The following MYO9A variants were observed in gnomAD, a reference collection of about 807,000 sequenced individuals.
MYO9A encodes unconventional myosin-IXa.
Under a neutral mutation model 293.3 loss-of-function variants are expected in MYO9A, and 103 were observed. That is an observed-to-expected ratio of 0.35 (90% CI 0.30 to 0.41). The LOEUF is 0.41. Among genes scored for constraint, MYO9A ranks in the 10% least tolerant of loss-of-function variants. The pLI is 1.00. For missense variants in MYO9A, 2,685 were observed against 3,033.0 expected, an observed-to-expected ratio of 0.89 and a Z score of 2.69; for synonymous variants, 1,001 against 1,035.7, an observed-to-expected ratio of 0.97 and a Z score of 0.64.
chr15:72,093,210 T>C (rs1321255684), intron 1 of MYO9A, among the ~76,000 whole-genome samples: 1 of 152,084 alleles, frequency 6.6e-6, no homozygotes, highest in Non-Finnish European at 1.5e-5. Context: ...GTCGTATATA[T>C]GAGAGGGGAA....
intron 1 of MYO9A, among the ~76,000 whole-genome samples, chr15:72,065,240 G>T (rs2078984502): frequency 6.6e-6 from 1 of 152,108 alleles, no homozygotes; most frequent in Non-Finnish European, 1.5e-5. Context: ...CATGAGCCAG[G>T]CACGGTGGCT....
Position 71,876,425 on chromosome 15 carries a change from A to ATTTT in MYO9A, c.5932-591_5932-588dup, listed in dbSNP as rs397854202. On this transcript the variant is annotated intron_variant, in intron 31 of 41. Coordinates refer to ENST00000356056, the MANE Select transcript of MYO9A (RefSeq NM_006901.4). ...GCTTGAGCCACCACGCCTGGCTGGT[A>ATTTT]TTTTTTTTTTTTTTTTTTTTTTTTT... Among the ~76,000 whole-genome samples, 5 of 61,070 alleles carry ATTTT rather than the reference A, an allele frequency of 8.2e-5. 1 individual carries two copies. The highest frequency in any genetic ancestry group is 3.4e-4 in the African/African-American group (4 of 11,664). The allele number at this position is 61,070 out of a possible 152,430, so 40.1% of individuals were successfully genotyped here.
At chr15:71,904,284 G>A (rs2057566606) in intron 20 of MYO9A, among the ~76,000 whole-genome samples, 3 of 152,204 alleles carry the variant, frequency 2.0e-5, no homozygotes, top group Non-Finnish European at 4.4e-5. Flanking sequence ...TGTGAAGAGA[G>A]AGGACCTTAA....
At position 71,826,981 on chromosome 15, in the gene MYO9A, GC is replaced by G; in HGVS notation, c.7245del (p.Leu2415PhefsTer12). ...TCTTGCTGCTTTTTAAGTTGCTTTC[GC>G]AACTTGCTGGAAGGTTCAGACTTGC... The part of the protein sequence containing the change: ...TAGKSEPSSK[L>X]RKQLKKQQDS... On this transcript the variant is annotated frameshift_variant, in exon 42 of 42. Transcript: ENST00000356056. LOFTEE classifies it high-confidence loss of function. The G allele has an allele frequency of 2.5e-6, 4 of 1,613,182 alleles. No individual in the cohort carries two copies. Among genetic ancestry groups the G allele is most frequent in the Non-Finnish European group, 1.7e-6 (2 of 1,179,674 alleles).
intron 32 of MYO9A, among the ~76,000 whole-genome samples, chr15:71,868,011 C>T (rs8031827): frequency 0.017 from 2,638 of 152,270 alleles, 83 homozygotes; most frequent in African/African-American, 0.06. Flanking sequence ...TGGCTTAAAA[C>T]AACACCTATC....
intron 15 of MYO9A, among the ~76,000 whole-genome samples, chr15:71,945,164 G>C (rs1323359273): frequency 6.6e-6 from 1 of 152,126 alleles, no homozygotes; most frequent in Non-Finnish European, 1.5e-5. Context: ...GGGTGGTTCT[G>C]ACTCAACATG....
At chr15:72,067,951 T>C (rs1555418003) in intron 1 of MYO9A, among the ~76,000 whole-genome samples, 1 of 152,158 alleles carries the variant, frequency 6.6e-6, no homozygotes, top group African/African-American at 2.4e-5. Context: ...AGTTTACTCA[T>C]AAGAACAACA....
intron 2 of MYO9A, among the ~76,000 whole-genome samples, chr15:72,034,571 G>C (rs79734150): frequency 0.016 from 2,421 of 152,226 alleles, 76 homozygotes; most frequent in African/African-American, 0.056. Context: ...GCTGAGTCCT[G>C]AATGCCTAGA....
At chr15:71,911,917 T>G (rs559805710) in intron 19 of MYO9A, among the ~76,000 whole-genome samples, 2 of 152,354 alleles carry the variant, frequency 1.3e-5, no homozygotes, top group African/African-American at 2.4e-5. Context: ...AAATATACAT[T>G]ATAGTCTACC....
intron 15 of MYO9A, among the ~76,000 whole-genome samples, chr15:71,945,985 CATATG>C (rs2058908461): frequency 6.6e-6 from 1 of 152,174 alleles, no homozygotes; most frequent in East Asian, 1.9e-4. Context: ...CTGAGACAAT[CATATG>C]TGGCTTTCTT....
chr15:71,996,904 C>A (rs539451422), intron 9 of MYO9A, among the ~76,000 whole-genome samples: 1 of 151,806 alleles, frequency 6.6e-6, no homozygotes, highest in African/African-American at 2.4e-5. Flanking sequence ...ACTGTAAATA[C>A]GATGGATTTC....
At chr15:72,062,971 G>A (rs1039184168) in intron 1 of MYO9A, among the ~76,000 whole-genome samples, 7 of 152,198 alleles carry the variant, frequency 4.6e-5, no homozygotes, top group Admixed American at 2.6e-4. Flanking sequence ...GCAATGAGCC[G>A]TGATCGTGCC....
intron 27 of MYO9A, among the ~76,000 whole-genome samples, chr15:71,886,581 G>C (rs2057027164): frequency 6.6e-6 from 1 of 151,948 alleles, no homozygotes; most frequent in Non-Finnish European, 1.5e-5. Flanking sequence ...GCTATAATTG[G>C]GGAAGGTCAG....
chr15:71,960,376 T>G, intron 13 of MYO9A: 1 of 368,526 alleles, frequency 2.7e-6, no homozygotes. Flanking sequence ...CTCCATCTCG[T>G]TCCCTCTCTC....
intron 12 of MYO9A, among the ~76,000 whole-genome samples, chr15:71,973,100 T>C (rs1297185589): frequency 6.6e-6 from 1 of 152,152 alleles, no homozygotes; most frequent in Non-Finnish European, 1.5e-5. Context: ...TCTTGGTCTG[T>C]TTGAGCTCAG....
chr15:71,824,410 C>T lies in MYO9A; in HGVS notation c.*2170G>A, dbSNP rs2054385418. 1 of 152,144 alleles carries T rather than the reference C, an allele frequency of 6.6e-6. No homozygotes were observed. The highest frequency in any genetic ancestry group is 1.5e-5 in the Non-Finnish European group (1 of 68,024). The allele number at this position is 152,144 out of a possible 1,614,324, so 9.4% of individuals were successfully genotyped here. ...ATGTTCTTCTGGCCATTCCTCTGGGCCACAGGAAATTATTCCATAAGGGCA... is the reference window on the plus strand; with the variant it reads ...ATGTTCTTCTGGCCATTCCTCTGGGTCACAGGAAATTATTCCATAAGGGCA... On this transcript the variant is annotated 3_prime_UTR_variant, in exon 42 of 42. Coordinates refer to ENST00000356056, the MANE Select transcript of MYO9A (RefSeq NM_006901.4).
At chr15:71,939,000 A>C (rs1357417152) in intron 15 of MYO9A, 73 bp from the exon 16 acceptor site, 1 of 1,185,326 alleles carries the variant, frequency 8.4e-7, no homozygotes. Context: ...GTTTTTCTAA[A>C]GACAAACGAA....
chr15:71,956,061 G>C (rs1164432950), intron 14 of MYO9A, among the ~76,000 whole-genome samples: 1 of 150,570 alleles, frequency 6.6e-6, no homozygotes, highest in Non-Finnish European at 1.5e-5. Context: ...CAGACACTCG[G>C]GGGGAGGCTG....
At chr15:72,072,771 T>C (rs7164646) in intron 1 of MYO9A, among the ~76,000 whole-genome samples, 7,800 of 151,968 alleles carry the variant, frequency 0.051, 334 homozygotes, top group East Asian at 0.18. Flanking sequence ...GGAGGGAAAG[T>C]CTGAAAAACT....
Sources: gnomAD v4.1 joint callset for allele counts (sites outside exome capture counted in the v4.1 genomes callset) on GRCh38, gnomAD v4.1.1 for gene constraint, MANE v1.5 for transcripts, NCBI Gene and HGNC (gene_info 2026-07-23, HGNC 2026-07-21) for gene names.